MCU: variants seen among roughly 807,000 people sequenced by gnomAD.
The protein encoded by MCU is calcium uniporter protein, mitochondrial.
In MCU, 12 loss-of-function variants were observed where a neutral mutation model predicts 45.2. That is an observed-to-expected ratio of 0.27 (90% CI 0.17 to 0.43). The LOEUF (loss-of-function observed/expected upper bound fraction) is 0.43. Ranked by LOEUF, MCU falls within the 20% of genes least tolerant of loss-of-function variation. The pLI, the probability that MCU is intolerant of heterozygous loss-of-function variation, is 1.00. For missense variants in MCU, 324 were observed against 436.7 expected, an observed-to-expected ratio of 0.74 and a Z score of 2.30; for synonymous variants, 160 against 165.1, an observed-to-expected ratio of 0.97 and a Z score of 0.24.
chr10:72,886,814 C>T lies in MCU; in HGVS notation c.*992C>T, dbSNP rs1372446558. 8 of 152,294 alleles carry T rather than the reference C, an allele frequency of 5.3e-5. No homozygotes were observed. Among genetic ancestry groups the T allele is most frequent in the Non-Finnish European group, 7.3e-5 (5 of 68,040 alleles). 9.4% of individuals were successfully genotyped at this position (152,294 alleles called of 1,614,324 possible). A position where few individuals can be genotyped will look rare whatever the true frequency, so the allele number is the denominator to read the frequency against. ...CCTTGTCTGGAGGCTTTGTTCATCT[C>T]GAAGGACACACACTTCCACACTGTT... On this transcript the variant is annotated 3_prime_UTR_variant, in exon 8 of 8. Coordinates refer to ENST00000373053, the MANE Select transcript of MCU (RefSeq NM_138357.3).
chr10:72,773,463 A>G (rs981174903), intron 1 of MCU, among the ~76,000 whole-genome samples: 5 of 152,314 alleles, frequency 3.3e-5, no homozygotes, highest in Admixed American at 6.5e-5. Flanking sequence ...ATGAAAAGGA[A>G]CAAAGACTGT....
At chr10:72,730,359 A>T (rs953992713) in intron 1 of MCU, among the ~76,000 whole-genome samples, 7 of 138,644 alleles carry the variant, frequency 5.0e-5, no homozygotes, top group Non-Finnish European at 1.1e-4. Context: ...CCTAGGCTAG[A>T]ATGCAGAACC....
chr10:72,702,085 C>CA (rs924849513), intron 1 of MCU, among the ~76,000 whole-genome samples: 1 of 148,862 alleles, frequency 6.7e-6, no homozygotes, highest in African/African-American at 2.5e-5. Context: ...ATTAAAAATA[C>CA]AAAAAAAATT....
chr10:72,786,476 G>C (rs1477934105), intron 1 of MCU, among the ~76,000 whole-genome samples: 1 of 152,150 alleles, frequency 6.6e-6, no homozygotes, highest in African/African-American at 2.4e-5. Context: ...TGGGTGCCAT[G>C]GCTCTTTCCT....
At chr10:72,761,790 A>G (rs1843659899) in intron 1 of MCU, among the ~76,000 whole-genome samples, 1 of 152,110 alleles carries the variant, frequency 6.6e-6, no homozygotes, top group African/African-American at 2.4e-5. Context: ...TTAGTGTACC[A>G]ATTACCTGAG....
At chr10:72,861,825 TA>T in intron 4 of MCU, 1 of 294,844 alleles carries the variant, frequency 3.4e-6, no homozygotes, top group Admixed American at 4.8e-5. Context: ...TGTACTATTT[TA>T]AAAAACCAGA....
At chr10:72,782,560 C>A (rs538947740) in intron 1 of MCU, among the ~76,000 whole-genome samples, 2 of 152,050 alleles carry the variant, frequency 1.3e-5, no homozygotes, top group Non-Finnish European at 2.9e-5. Context: ...TCAGTAGAGG[C>A]GGGGTTTCGC....
intron 1 of MCU, among the ~76,000 whole-genome samples, chr10:72,788,476 C>T (rs1844110166): frequency 6.6e-6 from 1 of 152,154 alleles, no homozygotes; most frequent in African/African-American, 2.4e-5. Context: ...AATTAAGAAA[C>T]ATAGCCAGGT....
At chr10:72,860,584 CTT>C in intron 4 of MCU, 57 bp downstream of exon 4, 2 of 1,395,392 alleles carry the variant, frequency 1.4e-6, no homozygotes, top group Non-Finnish European at 2.0e-6. Context: ...TTGGAAATAA[CTT>C]TATTTTTTTT....
At chr10:72,700,684 A>G (rs1842749265) in intron 1 of MCU, among the ~76,000 whole-genome samples, 1 of 152,210 alleles carries the variant, frequency 6.6e-6, no homozygotes, top group African/African-American at 2.4e-5. Context: ...TAAAGGTGGA[A>G]CTTTTTCTAA....
At chr10:72,746,486 G>A (rs566491560) in intron 1 of MCU, among the ~76,000 whole-genome samples, 71 of 152,168 alleles carry the variant, frequency 4.7e-4, no homozygotes, top group Non-Finnish European at 8.8e-4. Context: ...TAAATGCTCT[G>A]ATTAAGTTGA....
chr10:72,798,696 AAAT>A (rs1844290884), intron 1 of MCU, among the ~76,000 whole-genome samples: 1 of 152,058 alleles, frequency 6.6e-6, no homozygotes, highest in South Asian at 2.1e-4. Context: ...TTATAAGTCA[AAAT>A]AATACAGAAG....
chr10:72,782,178 T>C (rs1165878400), intron 1 of MCU, among the ~76,000 whole-genome samples: 1 of 152,176 alleles, frequency 6.6e-6, no homozygotes, highest in Non-Finnish European at 1.5e-5. Context: ...CTCCTTAGCC[T>C]GCCCCAATAC....
Position 72,858,725 on chromosome 10 carries a change from A to G in MCU, c.221-452A>G, listed in dbSNP as rs1845330910. Among the ~76,000 whole-genome samples, 3 of 152,200 alleles carry G rather than the reference A, an allele frequency of 2.0e-5. No individual in the cohort carries two copies. In the South Asian group the frequency reaches 6.2e-4, roughly 31 times the overall value. On this transcript the variant is annotated intron_variant, in intron 2 of 7. Coordinates refer to ENST00000373053, the MANE Select transcript of MCU (RefSeq NM_138357.3). ...GGATATAATACTGTACTATATATAC[A>G]TGAATTGACTGTTTTGGAGTAAGAG...
At chr10:72,742,171 A>G (rs952824851) in intron 1 of MCU, among the ~76,000 whole-genome samples, 3 of 151,890 alleles carry the variant, frequency 2.0e-5, no homozygotes, top group Non-Finnish European at 4.4e-5. Flanking sequence ...ACAGTTGCCT[A>G]TACTATTTGT....
At chr10:72,767,061 G>C (rs1166452725) in intron 1 of MCU, 4 of 152,066 alleles carry the variant, frequency 2.6e-5, no homozygotes, top group Non-Finnish European at 5.9e-5. Context: ...AAGTTCCCTT[G>C]TGCTGCTTTG....
intron 1 of MCU, among the ~76,000 whole-genome samples, chr10:72,700,058 ATT>A (rs71021525): frequency 1.0e-4 from 14 of 135,372 alleles, no homozygotes; most frequent in Admixed American, 3.1e-4. Flanking sequence ...TTGGGGTCAA[ATT>A]TTTTTTTTTT....
intron 2 of MCU, among the ~76,000 whole-genome samples, chr10:72,844,219 G>A (rs572749779): frequency 1.3e-4 from 19 of 151,984 alleles, no homozygotes; most frequent in African/African-American, 4.1e-4. Flanking sequence ...AAACACTATC[G>A]CTACTAAAAA....
At chr10:72,781,899 A>G (rs1844000474) in intron 1 of MCU, among the ~76,000 whole-genome samples, 1 of 152,168 alleles carries the variant, frequency 6.6e-6, no homozygotes, top group Non-Finnish European at 1.5e-5. Flanking sequence ...TGACAAAACA[A>G]GGACACTGTG....
Sources: allele counts gnomAD v4.1 joint callset (sites outside exome capture counted in the v4.1 genomes callset), GRCh38; gene constraint gnomAD v4.1.1; transcripts MANE v1.5; gene names NCBI Gene and HGNC (gene_info 2026-07-23, HGNC 2026-07-21).